KLF12: variants seen among roughly 807,000 people sequenced by gnomAD.
KLF12 encodes the protein KLF transcription factor 12.
In KLF12, 9 loss-of-function variants were observed where a neutral mutation model predicts 37.8. That is an observed-to-expected ratio of 0.24 (90% CI 0.14 to 0.42). The LOEUF (loss-of-function observed/expected upper bound fraction) is 0.42, where lower values mean the gene tolerates loss of function less well. KLF12 is among the 10% of genes least tolerant of loss of function. KLF12 has a pLI of 1.00. For synonymous variants in KLF12, 208 were observed against 202.1 expected (o/e 1.03, Z -0.25); for missense variants, 411 against 516.0 (o/e 0.80, Z 1.97).
chr13:73,760,729 A>ACTGG (rs896983418), intron 6 of KLF12, among the ~76,000 whole-genome samples: 1 of 152,156 alleles, frequency 6.6e-6, no homozygotes, highest in Non-Finnish European at 1.5e-5. Flanking sequence ...AGCCCTTGAT[A>ACTGG]CTGGTTTTAG....
the KLF12 span, among the ~76,000 whole-genome samples, chr13:74,207,355 G>T: frequency 1.3e-5 from 2 of 152,164 alleles, no homozygotes; most frequent in Non-Finnish European, 2.9e-5. Context: ...AAGTACAATT[G>T]TCCTCATTGC....
chr13:74,247,292 A>T, the KLF12 span, among the ~76,000 whole-genome samples: 3 of 152,208 alleles, frequency 2.0e-5, no homozygotes, highest in African/African-American at 7.2e-5. Context: ...GTTTTTACAG[A>T]TCTGATGGTG....
intron 5 of KLF12, among the ~76,000 whole-genome samples, chr13:73,798,711 T>G (rs1594103785): frequency 6.6e-6 from 1 of 152,092 alleles, no homozygotes; most frequent in Admixed American, 6.5e-5. Flanking sequence ...AAAACCACAA[T>G]GAGGAGCATC....
chr13:74,143,088 CTCT>C, the KLF12 span, among the ~76,000 whole-genome samples: 4 of 149,466 alleles, frequency 2.7e-5, no homozygotes, highest in South Asian at 8.6e-4. Flanking sequence ...CCTTCTCCTC[CTCT>C]TCTTCTTGTT....
At chr13:73,702,177 A>G (rs1171980977) in intron 7 of KLF12, among the ~76,000 whole-genome samples, 1 of 152,212 alleles carries the variant, frequency 6.6e-6, no homozygotes, top group Non-Finnish European at 1.5e-5. Context: ...TTCTGGGAAA[A>G]CAAAAACTCA....
the KLF12 span, among the ~76,000 whole-genome samples, chr13:74,242,765 G>A: frequency 2.5e-4 from 38 of 152,102 alleles, no homozygotes; most frequent in Non-Finnish European, 4.4e-4. Flanking sequence ...AGAAGGCGTG[G>A]CCCTATTTTT....
chr13:73,768,917 T>C (rs1880102186), intron 5 of KLF12, among the ~76,000 whole-genome samples: 1 of 112,244 alleles, frequency 8.9e-6, no homozygotes, highest in African/African-American at 2.9e-5. Flanking sequence ...CTTATATATA[T>C]TCCCTCCACC....
At chr13:74,182,113 G>T in the KLF12 span, among the ~76,000 whole-genome samples, 7 of 152,174 alleles carry the variant, frequency 4.6e-5, no homozygotes, top group Non-Finnish European at 5.9e-5. Context: ...AAAATAAATT[G>T]ATAAGTGTTA....
the KLF12 span, among the ~76,000 whole-genome samples, chr13:74,193,245 G>A: frequency 3.9e-5 from 6 of 152,144 alleles, no homozygotes; most frequent in African/African-American, 1.4e-4. Context: ...CTCCCAAAGT[G>A]CTGGGATTAC....
At chr13:73,721,102 C>T (rs1367781487) in intron 6 of KLF12, among the ~76,000 whole-genome samples, 1 of 152,212 alleles carries the variant, frequency 6.6e-6, no homozygotes, top group Non-Finnish European at 1.5e-5. Flanking sequence ...ATGCCTTAAG[C>T]TTCAGAGCAA....
chr13:74,069,531 T>A (rs1024017945), intron 1 of KLF12, among the ~76,000 whole-genome samples: 1 of 152,108 alleles, frequency 6.6e-6, no homozygotes, highest in Admixed American at 6.6e-5. Flanking sequence ...GTGGAGAGGT[T>A]GGAAAGGCTG....
At chr13:73,750,688 A>G (rs576944065) in intron 6 of KLF12, among the ~76,000 whole-genome samples, 43 of 152,322 alleles carry the variant, frequency 2.8e-4, no homozygotes, top group Admixed American at 1.1e-3. Context: ...TTTGTTACAT[A>G]GGTAAATGTG....
intron 5 of KLF12, among the ~76,000 whole-genome samples, chr13:73,773,389 A>G (rs1260751168): frequency 6.6e-6 from 1 of 152,218 alleles, no homozygotes; most frequent in Admixed American, 6.5e-5. Flanking sequence ...AGGACAGAAA[A>G]GAGTGTCTCC....
chr13:73,824,031 C>T (rs1883691332), intron 4 of KLF12, among the ~76,000 whole-genome samples: 1 of 152,094 alleles, frequency 6.6e-6, no homozygotes, highest in African/African-American at 2.4e-5. Flanking sequence ...TAAAAACTCT[C>T]CTCCTCTGGC....
intron 1 of KLF12, among the ~76,000 whole-genome samples, chr13:74,091,301 C>G (rs1875642794): frequency 6.6e-6 from 1 of 152,110 alleles, no homozygotes; most frequent in Non-Finnish European, 1.5e-5. Flanking sequence ...ATTTTAAAGA[C>G]CTATGACTTG....
chr13:73,803,517 AC>A (rs1175814003), intron 5 of KLF12, among the ~76,000 whole-genome samples: 2 of 151,962 alleles, frequency 1.3e-5, no homozygotes, highest in African/African-American at 2.4e-5. Context: ...TTCTTGCTTC[AC>A]CACCACAGCA....
intron 3 of KLF12, among the ~76,000 whole-genome samples, chr13:73,914,308 C>G (rs1361003765): frequency 6.6e-6 from 1 of 152,212 alleles, no homozygotes; most frequent in Non-Finnish European, 1.5e-5. Flanking sequence ...AGAAGACCAA[C>G]CCACTCGTCC....
At chr13:73,726,392 A>G (rs536268551) in intron 6 of KLF12, among the ~76,000 whole-genome samples, 13 of 152,296 alleles carry the variant, frequency 8.5e-5, no homozygotes, top group African/African-American at 3.1e-4. Flanking sequence ...CTGACTCCAA[A>G]ACATTTTCAT....
the KLF12 span, among the ~76,000 whole-genome samples, chr13:74,267,886 C>T: frequency 6.6e-6 from 1 of 151,938 alleles, no homozygotes; most frequent in African/African-American, 2.4e-5. Context: ...AAAAAAGAGG[C>T]AGTGGAGGAG....
Sources: allele counts gnomAD v4.1 joint callset (sites outside exome capture counted in the v4.1 genomes callset), GRCh38; gene constraint gnomAD v4.1.1; transcripts MANE v1.5; gene names NCBI Gene and HGNC (gene_info 2026-07-23, HGNC 2026-07-21).